KCNMB2: variants seen among roughly 807,000 people sequenced by gnomAD.
The protein encoded by KCNMB2 is calcium-activated potassium channel subunit beta-2.
In KCNMB2, 9 loss-of-function variants were observed where a neutral mutation model predicts 24.5. That is an observed-to-expected ratio of 0.37 (90% confidence interval 0.22 to 0.64). The LOEUF is 0.64. Ranked by LOEUF, KCNMB2 falls within the 30% of genes least tolerant of loss-of-function variation. KCNMB2 has a pLI of 0.63. For synonymous variants in KCNMB2, 109 were observed against 104.4 expected, an observed-to-expected ratio of 1.04 and a Z score of -0.27; for missense variants, 226 against 284.3, an observed-to-expected ratio of 0.79 and a Z score of 1.47.
intron 1 of KCNMB2, among the ~76,000 whole-genome samples, chr3:178,771,576 G>A (rs1399031925): frequency 1.4e-5 from 2 of 147,582 alleles, no homozygotes; most frequent in Non-Finnish European, 3.0e-5. Flanking sequence ...CAACCTCCTG[G>A]GCTCCAGCAA....
At chr3:178,759,572 C>CGAGGATATATATATCTCTCTCCAA (rs1711615498) in intron 1 of KCNMB2, among the ~76,000 whole-genome samples, 1 of 117,332 alleles carries the variant, frequency 8.5e-6, no homozygotes, top group Non-Finnish European at 1.7e-5. Context: ...TCTCTCTCCA[C>CGAGGATATATATATCTCTCTCCAA]GAGGATATAT....
intron 1 of KCNMB2, among the ~76,000 whole-genome samples, chr3:178,621,895 T>C (rs1219010693): frequency 6.6e-6 from 1 of 152,148 alleles, no homozygotes; most frequent in Non-Finnish European, 1.5e-5. Context: ...GGGAGGTAAT[T>C]TGATGTAGTG....
intron 2 of KCNMB2, among the ~76,000 whole-genome samples, chr3:178,810,896 G>A (rs1318376092): frequency 1.4e-5 from 2 of 145,158 alleles, no homozygotes; most frequent in African/African-American, 2.6e-5. Context: ...CACCACACCT[G>A]GCTAACTTTT....
intron 1 of KCNMB2, among the ~76,000 whole-genome samples, chr3:178,660,103 T>C (rs1361768356): frequency 1.3e-5 from 2 of 152,268 alleles, no homozygotes; most frequent in Admixed American, 6.5e-5. Context: ...AGCATAAATT[T>C]TGAATCACAC....
chr3:178,577,673 C>A (rs894517919), intron 1 of KCNMB2, among the ~76,000 whole-genome samples: 3 of 151,734 alleles, frequency 2.0e-5, no homozygotes, highest in Admixed American at 6.6e-5. Context: ...GAGAAGAACA[C>A]AAACACAAGT....
chr3:178,702,780 G>A (rs1385176867), intron 1 of KCNMB2, among the ~76,000 whole-genome samples: 1 of 144,922 alleles, frequency 6.9e-6, no homozygotes, highest in African/African-American at 2.7e-5. Context: ...ATGGAAGCAG[G>A]TGGAGTTAGG....
At chr3:178,550,226 G>A (rs562956494) in intron 1 of KCNMB2, among the ~76,000 whole-genome samples, 10 of 151,848 alleles carry the variant, frequency 6.6e-5, no homozygotes, top group South Asian at 2.1e-4. Flanking sequence ...CGAGGCGGGC[G>A]GATCATGAGG....
At chr3:178,621,135 A>G (rs1718906845) in intron 1 of KCNMB2, among the ~76,000 whole-genome samples, 1 of 152,220 alleles carries the variant, frequency 6.6e-6, no homozygotes, top group South Asian at 2.1e-4. Context: ...CAGGAAGAAT[A>G]ATTACAAAGT....
intron 1 of KCNMB2, among the ~76,000 whole-genome samples, chr3:178,646,532 A>G (rs1174120679): frequency 6.6e-6 from 1 of 152,198 alleles, no homozygotes; most frequent in Non-Finnish European, 1.5e-5. Context: ...GTGGGGCCAG[A>G]GATGTTGATG....
chr3:178,555,566 TA>T (rs1232847858), intron 1 of KCNMB2, among the ~76,000 whole-genome samples: 1 of 152,236 alleles, frequency 6.6e-6, no homozygotes, highest in Non-Finnish European at 1.5e-5. Context: ...GCCGTTGTTA[TA>T]AAAGCATGGG....
At chr3:178,765,106 T>C (rs1400304701) in intron 1 of KCNMB2, among the ~76,000 whole-genome samples, 1 of 152,206 alleles carries the variant, frequency 6.6e-6, no homozygotes, top group Non-Finnish European at 1.5e-5. Context: ...TTGTACACTA[T>C]TGCTCACAAA....
At chr3:178,568,842 TAGATAGATAGATGATA>T (rs1462260950) in intron 1 of KCNMB2, among the ~76,000 whole-genome samples, 4 of 126,086 alleles carry the variant, frequency 3.2e-5, no homozygotes, top group Admixed American at 7.8e-5. Flanking sequence ...GATAGATAGA[TAGATAGATAGATGATA>T]GATAGATAGA....
chr3:178,694,490 A>C (rs917510261), intron 1 of KCNMB2, among the ~76,000 whole-genome samples: 1 of 152,200 alleles, frequency 6.6e-6, no homozygotes, highest in Non-Finnish European at 1.5e-5. Flanking sequence ...CTCATCTGAG[A>C]CCAGGCAAGT....
chr3:178,709,548 T>C (rs893949208), intron 1 of KCNMB2, among the ~76,000 whole-genome samples: 1 of 152,174 alleles, frequency 6.6e-6, no homozygotes, highest in Non-Finnish European at 1.5e-5. Context: ...AAGACTGTTT[T>C]ATATACAGTA....
chr3:178,787,427 G>A (rs1309249813), intron 1 of KCNMB2, among the ~76,000 whole-genome samples: 2 of 152,026 alleles, frequency 1.3e-5, no homozygotes, highest in Admixed American at 6.6e-5. Flanking sequence ...ACATCACAAA[G>A]TATATCACAT....
Position 178,758,211 on chromosome 3 carries a change from AGGG to A in KCNMB2, c.-67-49130_-67-49128del, listed in dbSNP as rs1724262581. Among the ~76,000 whole-genome samples the A allele has an allele frequency of 4.9e-5, 2 of 40,762 alleles. 1 individual carries two copies. The highest frequency in any genetic ancestry group is 1.9e-4 in the African/African-American group (2 of 10,292). The allele number at this position is 40,762 out of a possible 152,430, so 26.7% of individuals were successfully genotyped here. ...GGGGATATATATATATATATATCCA[AGGG>A]GATATATATATATATATATCCAAGG... On this transcript the variant is annotated intron_variant, in intron 1 of 4. Transcript: ENST00000452583.
chr3:178,723,449 G>A (rs1199985903), intron 1 of KCNMB2, among the ~76,000 whole-genome samples: 1 of 152,142 alleles, frequency 6.6e-6, no homozygotes, highest in Non-Finnish European at 1.5e-5. Flanking sequence ...TGTTTTTAAT[G>A]CCTAAGTGTT....
chr3:178,684,422 G>A (rs557580188), intron 1 of KCNMB2, among the ~76,000 whole-genome samples: 1 of 152,040 alleles, frequency 6.6e-6, no homozygotes, highest in East Asian at 1.9e-4. Context: ...GAGATCTAAT[G>A]TAAAACATGA....
intron 1 of KCNMB2, among the ~76,000 whole-genome samples, chr3:178,719,112 TACA>T (rs952792630): frequency 6.6e-6 from 1 of 152,184 alleles, no homozygotes; most frequent in Non-Finnish European, 1.5e-5. Context: ...GCTTATAGAG[TACA>T]ACATTTTACA....
Sources: gnomAD v4.1 joint callset for allele counts (sites outside exome capture counted in the v4.1 genomes callset) on GRCh38, gnomAD v4.1.1 for gene constraint, MANE v1.5 for transcripts, NCBI Gene and HGNC (gene_info 2026-07-23, HGNC 2026-07-21) for gene names.